MAD1L1: variants seen among roughly 807,000 people sequenced by gnomAD.
The protein encoded by MAD1L1 is mitotic spindle assembly checkpoint protein MAD1.
A neutral mutation model predicts 96.9 loss-of-function variants in MAD1L1; 95 were observed. The observed-to-expected ratio is 0.98, with a 90% CI of 0.83 to 1.16. The LOEUF is 1.16. MAD1L1 is among the 50% of genes most tolerant of loss of function. The pLI, the probability that MAD1L1 is intolerant of heterozygous loss-of-function variation, is 0.00. For missense variants in MAD1L1, 1,007 were observed against 954.4 expected, an observed-to-expected ratio of 1.06 and a Z score of -0.73; for synonymous variants, 473 against 396.6, an observed-to-expected ratio of 1.19 and a Z score of -2.29.
At chr7:1,910,313 C>T (rs548560255) in intron 17 of MAD1L1, among the ~76,000 whole-genome samples, 28 of 152,282 alleles carry the variant, frequency 1.8e-4, no homozygotes, top group Admixed American at 1.0e-3. Flanking sequence ...TGTGGGGGGA[C>T]GTGGCACCTG....
intron 11 of MAD1L1, among the ~76,000 whole-genome samples, chr7:2,096,415 C>A (rs1248851519): frequency 6.6e-6 from 1 of 152,214 alleles, no homozygotes; most frequent in East Asian, 1.9e-4. Context: ...CTGGCCGAAC[C>A]TCAGTGCGGA....
At chr7:1,929,740 C>A (rs1789325686) in intron 17 of MAD1L1, among the ~76,000 whole-genome samples, 2 of 151,244 alleles carry the variant, frequency 1.3e-5, no homozygotes, top group Non-Finnish European at 2.9e-5. Context: ...CTGCCACGTC[C>A]CCTCGCCCCG....
chr7:1,898,179 G>A (rs1402526702), intron 18 of MAD1L1, 21 bp downstream of exon 18: 2 of 1,585,204 alleles, frequency 1.3e-6, no homozygotes, highest in Non-Finnish European at 8.6e-7. Context: ...CAGCCGGAGA[G>A]CCGTCACACG....
chr7:1,938,870 ACG>A (rs1491337195), intron 16 of MAD1L1, among the ~76,000 whole-genome samples: 11 of 119,202 alleles, frequency 9.2e-5, no homozygotes, highest in Admixed American at 8.2e-4. Context: ...ACACACACAC[ACG>A]GACACAGTCC....
chr7:2,012,596 A>G (rs1385106710), intron 13 of MAD1L1, among the ~76,000 whole-genome samples: 3 of 152,124 alleles, frequency 2.0e-5, no homozygotes, highest in African/African-American at 7.2e-5. Context: ...GAGCGGGAGG[A>G]AGGAGGATGG....
intron 11 of MAD1L1, among the ~76,000 whole-genome samples, chr7:2,107,985 C>G (rs1030058140): frequency 6.6e-6 from 1 of 151,972 alleles, no homozygotes; most frequent in Non-Finnish European, 1.5e-5. Flanking sequence ...CACCCCCCCA[C>G]CCCCCACCAA....
intron 17 of MAD1L1, among the ~76,000 whole-genome samples, chr7:1,934,047 A>C (rs1789634087): frequency 6.6e-6 from 1 of 152,236 alleles, no homozygotes; most frequent in Non-Finnish European, 1.5e-5. Flanking sequence ...CTGTGGGGTT[A>C]GGCCTTACAT....
chr7:1,914,025 C>CG (rs1034618517), intron 17 of MAD1L1, among the ~76,000 whole-genome samples: 2 of 152,126 alleles, frequency 1.3e-5, no homozygotes, highest in African/African-American at 4.8e-5. Context: ...AGGTCTCCCC[C>CG]CCCAGCACGC....
intron 12 of MAD1L1, among the ~76,000 whole-genome samples, chr7:2,058,060 A>G (rs1260203600): frequency 1.6e-5 from 1 of 60,712 alleles, no homozygotes; most frequent in Admixed American, 2.0e-4. Context: ...CTGGAGAGGG[A>G]GTGTGGCCAG....
intron 16 of MAD1L1, among the ~76,000 whole-genome samples, chr7:1,939,328 C>T (rs1435045722): frequency 1.3e-5 from 2 of 150,914 alleles, no homozygotes; most frequent in Non-Finnish European, 3.0e-5. Context: ...CACACACATA[C>T]ACACACACAC....
chr7:2,120,528 A>G (rs1483356606), intron 11 of MAD1L1, among the ~76,000 whole-genome samples: 1 of 152,192 alleles, frequency 6.6e-6, no homozygotes, highest in African/African-American at 2.4e-5. Context: ...ACCAAGCGGA[A>G]GCCCCACACC....
chr7:2,070,793 G>C (rs1423417839), intron 11 of MAD1L1, among the ~76,000 whole-genome samples: 1 of 152,260 alleles, frequency 6.6e-6, no homozygotes, highest in Non-Finnish European at 1.5e-5. Context: ...AGGAATGTGG[G>C]ATGGGGCCAT....
chr7:1,856,726 T>C (rs1784275747), intron 18 of MAD1L1, among the ~76,000 whole-genome samples: 1 of 152,130 alleles, frequency 6.6e-6, no homozygotes, highest in African/African-American at 2.4e-5. Flanking sequence ...CAGTCCCTGC[T>C]TCCTGCCAGC....
intron 10 of MAD1L1, among the ~76,000 whole-genome samples, chr7:2,199,470 G>C (rs575455338): frequency 6.6e-6 from 1 of 152,216 alleles, no homozygotes; most frequent in African/African-American, 2.4e-5. Flanking sequence ...CCCTGCACGC[G>C]GCAAACCGCT....
At chr7:1,962,241 C>T (rs1195410725) in intron 15 of MAD1L1, among the ~76,000 whole-genome samples, 2 of 152,194 alleles carry the variant, frequency 1.3e-5, no homozygotes, top group East Asian at 3.8e-4. Context: ...AAGGGGTTTC[C>T]CCTTTGGCTT....
At chr7:2,139,884 A>T (rs993147792) in intron 11 of MAD1L1, among the ~76,000 whole-genome samples, 3 of 152,174 alleles carry the variant, frequency 2.0e-5, no homozygotes, top group African/African-American at 7.2e-5. Flanking sequence ...AAAAGTAACA[A>T]TACAGATCAG....
At chr7:2,214,516 T>G (rs1047846768) in intron 9 of MAD1L1, among the ~76,000 whole-genome samples, 1 of 152,140 alleles carries the variant, frequency 6.6e-6, no homozygotes, top group African/African-American at 2.4e-5. Context: ...GCTGGACAGC[T>G]GGGCAGCTGC....
rs867880277 is a variant in MAD1L1 at position 1,901,628 on chromosome 7, G to T, written c.1808-3238C>A. Among the ~76,000 whole-genome samples, 9 of 152,328 alleles carry T rather than the reference G, an allele frequency of 5.9e-5. No homozygotes were observed. In the South Asian group the frequency reaches 8.3e-4, roughly 14 times the overall value. ...TGTGCTCAAGGCCTGCTGGGCCAGG[G>T]GTGCTCAGGGAGGGAGCCCAGCTCT... On this transcript the variant is annotated intron_variant, in intron 17 of 18. Transcript: ENST00000265854.
chr7:1,994,622 C>T lies in MAD1L1; in HGVS notation c.1416+7443G>A, dbSNP rs117826718. ...TCATGCTGAAATCCTAGGAGGGAGC[C>T]CGGGGAGGTGAGGAGGCCACCGGGC... On this transcript the variant is annotated intron_variant, in intron 14 of 18. Transcript: ENST00000265854. 1.7e-3 allele frequency among the ~76,000 whole-genome samples: 265 copies of T among 152,144 alleles called. 2 individuals carry two copies. In the East Asian group the frequency reaches 0.037, roughly 21 times the overall value.
Sources: allele counts gnomAD v4.1 joint callset (sites outside exome capture counted in the v4.1 genomes callset), GRCh38; gene constraint gnomAD v4.1.1; transcripts MANE v1.5; gene names NCBI Gene and HGNC (gene_info 2026-07-23, HGNC 2026-07-21).